Variants in RASGRP3 observed in about 807,000 individuals in gnomAD.
The protein encoded by RASGRP3 is RAS guanyl releasing protein 3.
Under a neutral mutation model 82.7 loss-of-function variants are expected in RASGRP3, and 54 were observed. That is an observed-to-expected ratio of 0.65 (90% CI 0.52 to 0.82). The LOEUF is 0.82. Among genes scored for constraint, RASGRP3 ranks in the 40% least tolerant of loss-of-function variants. RASGRP3 has a pLI of 0.00. For missense variants in RASGRP3, 861 were observed against 828.9 expected, an observed-to-expected ratio of 1.04 and a Z score of -0.48; for synonymous variants, 309 against 300.5, an observed-to-expected ratio of 1.03 and a Z score of -0.29.
chr2:33,523,753 T>C, intron 7 of RASGRP3, 126 bp from the exon 8 acceptor site: 1 of 1,035,072 alleles, frequency 9.7e-7, no homozygotes. Context: ...GATGCCATTG[T>C]AAATGTGAAA....
intron 1 of RASGRP3, among the ~76,000 whole-genome samples, chr2:33,485,157 C>T (rs1363013951): frequency 6.6e-6 from 1 of 152,188 alleles, no homozygotes; most frequent in Non-Finnish European, 1.5e-5. Flanking sequence ...TAGATTGCGC[C>T]ATTGCACTCC....
chr2:33,480,492 A>G (rs1667797808), intron 1 of RASGRP3, among the ~76,000 whole-genome samples: 1 of 152,246 alleles, frequency 6.6e-6, no homozygotes, highest in African/African-American at 2.4e-5. Context: ...TCACTTCTGT[A>G]GAAATTGGCT....
intron 1 of RASGRP3, among the ~76,000 whole-genome samples, chr2:33,492,267 A>C (rs555313528): frequency 6.6e-6 from 1 of 152,182 alleles, no homozygotes; most frequent in African/African-American, 2.4e-5. Context: ...CTCTGGGGCA[A>C]TTGACCTTTG....
At position 33,522,115 on chromosome 2, in the gene RASGRP3, A is replaced by C; in HGVS notation, c.516+13A>C. 6.3e-7 allele frequency: 1 copy of C among 1,595,378 alleles called. No individual in the cohort carries two copies. The highest frequency in any genetic ancestry group is 1.1e-5 in the South Asian group (1 of 87,172). On this transcript the variant is annotated intron_variant, in intron 7 of 17. Coordinates refer to ENST00000403687, the MANE Select transcript of RASGRP3 (RefSeq NM_001139488.2). ...TAGAAGGATCTCAGTAAGAAACTTGACATTTATTCTTCCAAGGATAACAAC... is the reference window on the plus strand; with the variant it reads ...TAGAAGGATCTCAGTAAGAAACTTGCCATTTATTCTTCCAAGGATAACAAC...
At chr2:33,458,255 G>A (rs745912793) in intron 2 of RASGRP3, 1 of 152,182 alleles carries the variant, frequency 6.6e-6, no homozygotes, top group Admixed American at 6.5e-5. Context: ...CACATTTCTT[G>A]TAATCCTTTA....
Position 33,543,641 on chromosome 2 carries a change from T to C in RASGRP3, c.1394+14T>C. The C allele has an allele frequency of 6.6e-7, 1 of 1,522,758 alleles. No homozygotes were observed. Among genetic ancestry groups the C allele is most frequent in the Non-Finnish European group, 9.0e-7 (1 of 1,107,994 alleles). The allele number at this position is 1,522,758 out of a possible 1,614,324, so 94.3% of individuals were successfully genotyped here. On this transcript the variant is annotated intron_variant, in intron 13 of 17. Transcript: ENST00000403687. ...GGACAAAGATCAGTAAGTTTTAATT[T>C]TGTTTTATTTTAATGCAACTATCCT... is the stretch of plus-strand genomic sequence containing the variant.
chr2:33,477,997 C>G (rs536655971), intron 1 of RASGRP3, among the ~76,000 whole-genome samples: 2 of 152,120 alleles, frequency 1.3e-5, no homozygotes, highest in African/African-American at 2.4e-5. Flanking sequence ...GGTTTTCTTT[C>G]GCCCTCTGCC....
chr2:33,464,291 T>C (rs547885836), intron 2 of RASGRP3, among the ~76,000 whole-genome samples: 44 of 150,834 alleles, frequency 2.9e-4, no homozygotes, highest in African/African-American at 1.0e-3. Flanking sequence ...GCTAATTTTT[T>C]TGTATTTTAG....
intron 12 of RASGRP3, among the ~76,000 whole-genome samples, chr2:33,542,911 T>C (rs1674405583): frequency 6.6e-6 from 1 of 152,214 alleles, no homozygotes; most frequent in African/African-American, 2.4e-5. Flanking sequence ...CAGGGTGGTC[T>C]TGAATTCCTG....
At chr2:33,549,941 G>A (rs1675206476) in intron 14 of RASGRP3, among the ~76,000 whole-genome samples, 190 bp downstream of exon 14, 1 of 152,210 alleles carries the variant, frequency 6.6e-6, no homozygotes, top group Non-Finnish European at 1.5e-5. Context: ...TGCAGGGCTA[G>A]CAAAAACAGG....
intron 13 of RASGRP3, among the ~76,000 whole-genome samples, chr2:33,546,186 G>C (rs973245362): frequency 2.0e-5 from 3 of 151,674 alleles, no homozygotes; most frequent in African/African-American, 7.2e-5. Context: ...AACTTTGGGA[G>C]GCTGAGGTGG....
intron 1 of RASGRP3, among the ~76,000 whole-genome samples, chr2:33,495,069 A>G (rs1669187056): frequency 6.6e-6 from 1 of 152,048 alleles, no homozygotes. Flanking sequence ...TTCCTTGTCC[A>G]CTCCACAAAC....
At chr2:33,473,792 A>G (rs1667200076), upstream of RASGRP3, among the ~76,000 whole-genome samples, 1 of 152,066 alleles carries the variant, frequency 6.6e-6, no homozygotes, top group East Asian at 1.9e-4. Flanking sequence ...CTGGCTATAG[A>G]ACTAGAAAAG....
At chr2:33,447,672 G>T (rs1036884077) in intron 1 of RASGRP3, 1 of 152,138 alleles carries the variant, frequency 6.6e-6, no homozygotes, top group African/African-American at 2.4e-5. Flanking sequence ...TGATTCGACC[G>T]CCTTGGCCTC....
intron 9 of RASGRP3, among the ~76,000 whole-genome samples, chr2:33,525,867 A>T (rs867283740): frequency 2.0e-5 from 3 of 152,120 alleles, no homozygotes; most frequent in African/African-American, 7.2e-5. Context: ...ACATACCTGG[A>T]AGTCCAGAGA....
At chr2:33,471,738 G>A (rs1475794345), upstream of RASGRP3, among the ~76,000 whole-genome samples, 2 of 151,958 alleles carry the variant, frequency 1.3e-5, no homozygotes, top group African/African-American at 4.8e-5. Flanking sequence ...TTTTTCCATG[G>A]TTACTGATCT....
intron 13 of RASGRP3, among the ~76,000 whole-genome samples, chr2:33,547,342 C>CTTTTTTTGTTTTTTTTTTTTT (rs1674885781): frequency 1.5e-5 from 1 of 68,178 alleles, no homozygotes; most frequent in Non-Finnish European, 2.6e-5. Flanking sequence ...ATATAGAATC[C>CTTTTTTTGTTTTTTTTTTTTT]TTTTTTTTTT....
intron 15 of RASGRP3, among the ~76,000 whole-genome samples, chr2:33,557,744 T>C (rs902231402): frequency 1.4e-5 from 2 of 148,070 alleles, no homozygotes; most frequent in Non-Finnish European, 3.0e-5. Context: ...AAGTGCTGAG[T>C]GGAGGAACAC....
chr2:33,549,526 G>A, intron 13 of RASGRP3, 78 bp from the exon 14 acceptor site: 1 of 1,389,582 alleles, frequency 7.2e-7, no homozygotes, highest in Non-Finnish European at 9.8e-7. Flanking sequence ...AGGTTTGGGA[G>A]GTGGGTGATT....
Sources: allele counts gnomAD v4.1 joint callset (sites outside exome capture counted in the v4.1 genomes callset), GRCh38; gene constraint gnomAD v4.1.1; transcripts MANE v1.5; gene names NCBI Gene and HGNC (gene_info 2026-07-23, HGNC 2026-07-21).